METTL8: variants seen among roughly 807,000 people sequenced by gnomAD.
METTL8 encodes methyltransferase 8, tRNA N3-cytidine.
Under a neutral mutation model 48.7 loss-of-function variants are expected in METTL8, and 32 were observed. The observed-to-expected ratio is 0.66, with a 90% CI of 0.50 to 0.88. The LOEUF (loss-of-function observed/expected upper bound fraction) is 0.88. Among genes scored for constraint, METTL8 ranks in the 40% least tolerant of loss-of-function variants. The probability of loss-of-function intolerance (pLI) is 0.00; values close to 1 mark genes in which losing one functional copy is unlikely to be tolerated. For missense variants in METTL8, 464 were observed against 474.4 expected (o/e 0.98, Z 0.20); for synonymous variants, 136 against 157.1 (o/e 0.87, Z 1.01).
intron 4 of METTL8, 78 bp from the exon 5 acceptor site, chr2:171,337,580 G>GAA: frequency 9.4e-7 from 1 of 1,064,968 alleles, no homozygotes; most frequent in South Asian, 1.5e-5. Context: ...TCCTATTAAA[G>GAA]AAAAAAACAA....
At chr2:171,412,638 A>G (rs1690867921) in intron 1 of METTL8, among the ~76,000 whole-genome samples, 1 of 152,186 alleles carries the variant, frequency 6.6e-6, no homozygotes, top group Non-Finnish European at 1.5e-5. Context: ...CAATGTGGAT[A>G]AAAGCATTAG....
chr2:171,359,213 T>G (rs961965902), intron 3 of METTL8, among the ~76,000 whole-genome samples: 1 of 149,680 alleles, frequency 6.7e-6, no homozygotes, highest in African/African-American at 2.4e-5. Context: ...TGAATAGATA[T>G]TTCTCAAAAG....
At chr2:171,434,281 G>A (rs749410667), upstream of METTL8, 97 of 560,470 alleles carry the variant, frequency 1.7e-4, no homozygotes, top group Middle Eastern at 2.4e-3. Context: ...GTGAGAGAGC[G>A]GCTCCGGCCG....
At chr2:171,397,806 A>T (rs1021412949) in intron 1 of METTL8, among the ~76,000 whole-genome samples, 1 of 152,202 alleles carries the variant, frequency 6.6e-6, no homozygotes, top group African/African-American at 2.4e-5. Flanking sequence ...ATTTTATTGC[A>T]TTCATTAGAT....
At chr2:171,372,950 G>T (rs530376183) in intron 2 of METTL8, among the ~76,000 whole-genome samples, 3 of 152,186 alleles carry the variant, frequency 2.0e-5, no homozygotes, top group African/African-American at 7.2e-5. Flanking sequence ...ACATACGTGT[G>T]CATGTGTCTT....
chr2:171,401,810 T>C (rs546842536), intron 1 of METTL8, among the ~76,000 whole-genome samples: 5 of 149,478 alleles, frequency 3.3e-5, no homozygotes, highest in African/African-American at 1.2e-4. Flanking sequence ...GATGGCATCA[T>C]TGAACAGGTA....
chr2:171,382,926 T>C (rs2105535960), intron 2 of METTL8, among the ~76,000 whole-genome samples: 1 of 150,832 alleles, frequency 6.6e-6, no homozygotes, highest in Admixed American at 6.6e-5. Flanking sequence ...TACAAAAAAT[T>C]AGCCAGGTGT....
In METTL8 at chr2:171,384,969, AT is replaced by A. The variant is rs200083808; in HGVS notation, c.143+7073del. Among the ~76,000 whole-genome samples, 214 of 152,248 alleles carry A rather than the reference AT, an allele frequency of 1.4e-3. 5 individuals are homozygous for A. The East Asian group carries it at 0.015, about 11-fold the overall frequency. On this transcript the variant is annotated intron_variant, in intron 2 of 9. Coordinates refer to ENST00000375258, the MANE Select transcript of METTL8 (RefSeq NM_001321154.2). Reference sequence around the variant, plus strand: ...AAACTAAATAAAAAAGAGTATCTTTATTTTTTCTTAAAATTAAAAAAAAATA... The same window carrying A: ...AAACTAAATAAAAAAGAGTATCTTTATTTTTCTTAAAATTAAAAAAAAATA...
At chr2:171,390,566 T>G (rs2105559240) in intron 2 of METTL8, among the ~76,000 whole-genome samples, 1 of 152,262 alleles carries the variant, frequency 6.6e-6, no homozygotes, top group East Asian at 1.9e-4. Flanking sequence ...TTGGAAGAAG[T>G]TGATTCTAAT....
chr2:171,343,274 T>C (rs1237619599), intron 3 of METTL8, among the ~76,000 whole-genome samples: 2 of 152,074 alleles, frequency 1.3e-5, no homozygotes, highest in East Asian at 3.9e-4. Context: ...ACCCCATCTC[T>C]ACTAAAACTA....
At chr2:171,324,506 T>C in intron 9 of METTL8, 144 bp from the exon 10 acceptor site, 1 of 752,554 alleles carries the variant, frequency 1.3e-6, no homozygotes, top group Non-Finnish European at 2.1e-6. Context: ...GAAGGAAACC[T>C]GTGAAACCAA....
chr2:171,376,337 G>A (rs929901534), intron 2 of METTL8, among the ~76,000 whole-genome samples: 1 of 151,978 alleles, frequency 6.6e-6, no homozygotes, highest in African/African-American at 2.4e-5. Flanking sequence ...CCTATCCTGA[G>A]TTCCTTTGGT....
intron 1 of METTL8, among the ~76,000 whole-genome samples, chr2:171,409,717 A>G (rs1014124396): frequency 1.3e-5 from 2 of 152,188 alleles, no homozygotes; most frequent in African/African-American, 2.4e-5. Context: ...GCGGCAGGGC[A>G]GAGAGGGGAG....
At chr2:171,347,017 G>C (rs184667956) in intron 3 of METTL8, among the ~76,000 whole-genome samples, 2 of 152,290 alleles carry the variant, frequency 1.3e-5, no homozygotes, top group East Asian at 3.9e-4. Context: ...CCTTGCTTAC[G>C]TGTGATAAGA....
intron 2 of METTL8, chr2:171,375,020 G>T (rs1257504268): frequency 3.9e-6 from 4 of 1,023,942 alleles, no homozygotes; most frequent in East Asian, 4.7e-5. Flanking sequence ...TCACGAGATC[G>T]ATTCCTGACT....
intron 1 of METTL8, among the ~76,000 whole-genome samples, chr2:171,404,075 ATATATATATATATATATATATATATG>A (rs1193979196): frequency 8.9e-6 from 1 of 111,776 alleles, no homozygotes. Flanking sequence ...ATATATATAT[ATATATATATATATATATATATATATG>A]ATAGTTTAAC....
At chr2:171,368,865 G>A (rs931972216) in intron 2 of METTL8, among the ~76,000 whole-genome samples, 1 of 151,576 alleles carries the variant, frequency 6.6e-6, no homozygotes, top group Non-Finnish European at 1.5e-5. Context: ...AGTGAGACCC[G>A]GTCTTAAAAA....
intron 1 of METTL8, among the ~76,000 whole-genome samples, chr2:171,400,449 T>C (rs1305617466): frequency 1.3e-5 from 2 of 152,142 alleles, no homozygotes; most frequent in Non-Finnish European, 2.9e-5. Flanking sequence ...CAGAATTCCT[T>C]CTCTCCCTTC....
chr2:171,417,997 G>A (rs1010709364), intron 1 of METTL8, among the ~76,000 whole-genome samples: 2 of 151,864 alleles, frequency 1.3e-5, no homozygotes, highest in Non-Finnish European at 2.9e-5. Flanking sequence ...AGGCTGGAGC[G>A]CAGTGGCGCA....
Sources: gnomAD v4.1 joint callset for allele counts (sites outside exome capture counted in the v4.1 genomes callset) on GRCh38, gnomAD v4.1.1 for gene constraint, MANE v1.5 for transcripts, NCBI Gene and HGNC (gene_info 2026-07-23, HGNC 2026-07-21) for gene names.